TG: variants seen among roughly 807,000 people sequenced by gnomAD.
TG encodes thyroid hormones.
Under a neutral mutation model 324.7 loss-of-function variants are expected in TG, and 270 were observed. The ratio of observed to expected loss-of-function variants is 0.83; its 90% CI spans 0.75 to 0.92. TG has a LOEUF of 0.92. Ranked by LOEUF, TG falls within the 40% of genes least tolerant of loss-of-function variation. The pLI, the probability that TG is intolerant of heterozygous loss-of-function variation, is 0.00. For synonymous variants in TG, 1,401 were observed against 1,327.0 expected (o/e 1.06, Z -1.21); for missense variants, 3,591 against 3,456.4 (o/e 1.04, Z -0.98).
At chr8:133,128,332 G>A (rs2958697) in intron 45 of TG, among the ~76,000 whole-genome samples, 148,067 of 148,930 alleles carry the variant, frequency 0.99, 73,603 homozygotes, top group East Asian at 1. Context: ...TGAAACAAAA[G>A]GCGTGCACAC....
rs1488993992 is a variant in TG at position 132,888,101 on chromosome 8, C to T, written c.2294C>T (p.Thr765Ile). The change falls in exon 10 of 48, where the codon ACC becomes ATC. Residue 765 changes from threonine to isoleucine, a missense_variant. Coordinates refer to ENST00000220616, the MANE Select transcript of TG (RefSeq NM_003235.5). ...LSDTYIPQCS[T>I]DGQWRQVQCN... ...GACACCTACATCCCACAGTGCAGCA[C>T]CGATGGGCAGTGGAGACAAGTGCAA... is the stretch of plus-strand genomic sequence containing the variant. The T allele has an allele frequency of 6.2e-7, 1 of 1,614,018 alleles. No individual in the cohort carries two copies. The highest frequency in any genetic ancestry group is 8.5e-7 in the Non-Finnish European group (1 of 1,180,034).
chr8:132,962,942 G>A (rs887645056), intron 28 of TG, 52 bp from the exon 29 acceptor site: 4 of 1,546,352 alleles, frequency 2.6e-6, no homozygotes, highest in African/African-American at 2.7e-5. Context: ...TTGACCAGTG[G>A]AGTACTACCC....
intron 35 of TG, chr8:132,995,192 C>G (rs1047410411): frequency 5.2e-6 from 5 of 954,826 alleles, no homozygotes; most frequent in East Asian, 1.2e-4. Context: ...CTGCACTGCT[C>G]TAAGCCCCAG....
At position 132,940,838 on chromosome 8, in the gene TG, G is replaced by A. The variant is rs190412029; in HGVS notation, c.5042-513G>A. Among the ~76,000 whole-genome samples the A allele has an allele frequency of 1.6e-3, 239 of 152,310 alleles. 1 individual carries two copies. The highest frequency in any genetic ancestry group is 8.2e-4 in the Non-Finnish European group (56 of 68,028). On this transcript the variant is annotated intron_variant, in intron 25 of 47. Coordinates refer to ENST00000220616, the MANE Select transcript of TG (RefSeq NM_003235.5). Reference sequence around the variant, plus strand: ...CTTTAATGATGTTTGGTGGCACAAGGCAATGACATGCTCAGAAAACTGTAG... The same window carrying A: ...CTTTAATGATGTTTGGTGGCACAAGACAATGACATGCTCAGAAAACTGTAG...
intron 41 of TG, chr8:133,049,855 A>G: frequency 8.4e-7 from 1 of 1,192,454 alleles, no homozygotes; most frequent in East Asian, 2.3e-5. Flanking sequence ...ATGAGTCACC[A>G]GCATACGCAT....
intron 20 of TG, among the ~76,000 whole-genome samples, chr8:132,917,351 A>G (rs984625051): frequency 1.3e-5 from 2 of 151,668 alleles, no homozygotes; most frequent in Admixed American, 6.6e-5. Flanking sequence ...TGCTCAGACA[A>G]GAGCAGACAG....
At chr8:132,955,856 A>C (rs1826785325) in intron 27 of TG, among the ~76,000 whole-genome samples, 2 of 152,226 alleles carry the variant, frequency 1.3e-5, no homozygotes, top group Non-Finnish European at 2.9e-5. Context: ...TTTCTGAATA[A>C]AGACCACGTC....
intron 43 of TG, 91 bp downstream of exon 43, chr8:133,096,464 C>A: frequency 6.7e-7 from 1 of 1,486,748 alleles, no homozygotes; most frequent in Non-Finnish European, 9.3e-7. Flanking sequence ...AGATATTGAC[C>A]AATTGCTGAG....
chr8:132,890,135 A>T (rs853310), intron 10 of TG, among the ~76,000 whole-genome samples: 151,219 of 152,072 alleles, frequency 0.99, 75,186 homozygotes, highest in East Asian at 1. Flanking sequence ...GCTTTTTTTT[A>T]ATTGAGTAAC....
intron 41 of TG, among the ~76,000 whole-genome samples, chr8:133,039,114 G>C (rs1837665378): frequency 6.6e-6 from 1 of 152,140 alleles, no homozygotes; most frequent in Non-Finnish European, 1.5e-5. Context: ...CCTGACCTTA[G>C]GTGATCTGCC....
chr8:133,007,921 A>G (rs964833093), intron 35 of TG, among the ~76,000 whole-genome samples: 1 of 152,128 alleles, frequency 6.6e-6, no homozygotes, highest in African/African-American at 2.4e-5. Context: ...CTAAAAGGAT[A>G]GAGTATCTTG....
intron 41 of TG, among the ~76,000 whole-genome samples, chr8:133,056,428 TG>T (rs1159825424): frequency 1.3e-5 from 2 of 152,160 alleles, no homozygotes; most frequent in African/African-American, 4.8e-5. Flanking sequence ...TCATTAAATC[TG>T]GGGGCCAGGC....
rs1225957118 is a variant in TG, at chr8:132,923,500, A to G, written c.4691A>G (p.Gln1564Arg). 5.0e-6 allele frequency: 8 copies of G among 1,613,450 alleles called. No homozygotes were observed. The highest frequency in any genetic ancestry group is 6.8e-6 in the Non-Finnish European group (8 of 1,179,614). ...WETEAPLEDS[Q>R]CLMMQKFEKV... The stretch of plus-strand genomic sequence containing the variant: ...ACAGAGGCCCCTCTTGAGGACTCAC[A>G]GTGTTTGAGTAGGTGCTGGGGGTGA... The change falls in exon 22 of 48, where the codon CAG (glutamine) becomes CGG (arginine). Residue 1564 changes from glutamine (Q) to arginine (R), a missense_variant. Coordinates refer to ENST00000220616, the MANE Select transcript of TG (RefSeq NM_003235.5).
At position 132,873,037 on chromosome 8, in the gene TG, AT is replaced by A. The variant is rs577848823; in HGVS notation, c.479-16del. On this transcript the variant is annotated intron_variant, in intron 4 of 47. Transcript: ENST00000220616. ...AATATGTGTCTACTCATATATAAGG[AT>A]TTTTTTTTCGTGAAAATGTTTAGGT... 92 of 1,604,974 alleles carry A rather than the reference AT, an allele frequency of 5.7e-5. No homozygotes were observed. The highest frequency in any genetic ancestry group is 2.1e-4 in the African/African-American group (16 of 74,480).
rs776305842 is a variant in TG at position 133,116,603 on chromosome 8, C to T, written c.7755-6C>T. 1 of 1,611,870 alleles carries T rather than the reference C, an allele frequency of 6.2e-7. No individual in the cohort carries two copies. Among genetic ancestry groups the T allele is most frequent in the East Asian group, 2.2e-5 (1 of 44,862 alleles). The stretch of plus-strand genomic sequence containing the variant: ...CCAGACTCCCCCCATGTTCTCTTTT[C>T]ACCAGGGACTACTTTATCATCTGCC... On this transcript the variant is annotated splice_polypyrimidine_tract_variant and splice_region_variant and intron_variant, in intron 44 of 47. Coordinates refer to ENST00000220616, the MANE Select transcript of TG (RefSeq NM_003235.5).
intron 34 of TG, 126 bp from the exon 35 acceptor site, chr8:132,983,224 G>A (rs1453471286): frequency 2.1e-6 from 2 of 960,502 alleles, no homozygotes; most frequent in Non-Finnish European, 3.4e-6. Context: ...GATACAGGTT[G>A]GGACAATCTG....
intron 41 of TG, among the ~76,000 whole-genome samples, chr8:133,036,534 A>AC (rs1486045830): frequency 2.6e-5 from 4 of 152,018 alleles, no homozygotes; most frequent in Admixed American, 1.3e-4. Flanking sequence ...TTCGTAAGAC[A>AC]CCCCCCAGAG....
At chr8:132,885,938 G>T (rs1246616477) in intron 8 of TG, among the ~76,000 whole-genome samples, 1 of 152,114 alleles carries the variant, frequency 6.6e-6, no homozygotes, top group East Asian at 1.9e-4. Flanking sequence ...CTTCTTCCCT[G>T]TGTGCATCTT....
intron 41 of TG, among the ~76,000 whole-genome samples, chr8:133,071,270 C>T (rs1483438836): frequency 1.3e-5 from 2 of 152,164 alleles, no homozygotes; most frequent in African/African-American, 2.4e-5. Context: ...TTTGTCTAAC[C>T]GGGGAAACCA....
Sources: allele counts gnomAD v4.1 joint callset (sites outside exome capture counted in the v4.1 genomes callset), GRCh38; gene constraint gnomAD v4.1.1; transcripts MANE v1.5; gene names NCBI Gene and HGNC (gene_info 2026-07-23, HGNC 2026-07-21).